DNAJC13: variants seen among roughly 807,000 people sequenced by gnomAD.
DNAJC13 encodes dnaJ homolog subfamily C member 13.
A neutral mutation model predicts 290.5 loss-of-function variants in DNAJC13; 75 were observed. That is an observed-to-expected ratio of 0.26 (90% CI 0.21 to 0.31). The LOEUF (loss-of-function observed/expected upper bound fraction) is 0.31. Among genes scored for constraint, DNAJC13 ranks in the 10% least tolerant of loss-of-function variants. The pLI, the probability that DNAJC13 is intolerant of heterozygous loss-of-function variation, is 1.00. For synonymous variants in DNAJC13, 862 were observed against 892.0 expected, an observed-to-expected ratio of 0.97 and a Z score of 0.60; for missense variants, 2,260 against 2,674.5, an observed-to-expected ratio of 0.85 and a Z score of 3.42.
intron 2 of DNAJC13, among the ~76,000 whole-genome samples, chr3:132,441,510 G>A (rs765358862): frequency 7.9e-5 from 12 of 152,170 alleles, no homozygotes; most frequent in Non-Finnish European, 1.6e-4. Context: ...GCCTGTTGGC[G>A]TAGATTCTCC....
At chr3:132,473,005 TTTTA>T (rs1663995624) in intron 20 of DNAJC13, 136 bp from the exon 21 acceptor site, 1 of 636,228 alleles carries the variant, frequency 1.6e-6, no homozygotes, top group Non-Finnish European at 2.8e-6. Context: ...GTTTTATAGA[TTTTA>T]TTTATTCCGT....
rs747114548 is a variant in DNAJC13 at position 132,538,420 on chromosome 3, T to C, written c.*138T>C. ...ATTCCTTTTTCTATAAATATATTTT[T>C]AGGAAAAAAAGTCAGTGATCCTAAT... On this transcript the variant is annotated 3_prime_UTR_variant, in exon 56 of 56. Coordinates refer to ENST00000260818, the MANE Select transcript of DNAJC13 (RefSeq NM_015268.4). 37 of 651,326 alleles carry C rather than the reference T, an allele frequency of 5.7e-5. No homozygotes were observed. The highest frequency in any genetic ancestry group is 8.5e-5 in the Non-Finnish European group (34 of 401,406). The allele number at this position is 651,326 out of a possible 1,614,324, so 40.3% of individuals were successfully genotyped here. A position where few individuals can be genotyped will look rare whatever the true frequency, so the allele number is the denominator to read the frequency against.
intron 50 of DNAJC13, 43 bp from the exon 51 acceptor site, chr3:132,523,497 A>C (rs752515456): frequency 6.3e-7 from 1 of 1,587,612 alleles, no homozygotes. Flanking sequence ...TCTAGCTTCA[A>C]GATTATTAAG....
intron 20 of DNAJC13, among the ~76,000 whole-genome samples, chr3:132,468,282 A>C (rs559776416): frequency 5.9e-5 from 9 of 152,118 alleles, no homozygotes; most frequent in Admixed American, 2.6e-4. Context: ...GTTTCTCCTT[A>C]ATCTTCTCCT....
chr3:132,464,055 C>T (rs1559880364), intron 17 of DNAJC13, among the ~76,000 whole-genome samples: 2 of 152,250 alleles, frequency 1.3e-5, no homozygotes, highest in South Asian at 2.1e-4. Flanking sequence ...CAGGCCCTGA[C>T]ACCATAGTCA....
At chr3:132,527,165 G>T (rs1389985002) in intron 53 of DNAJC13, among the ~76,000 whole-genome samples, 2 of 152,116 alleles carry the variant, frequency 1.3e-5, no homozygotes, top group African/African-American at 4.8e-5. Context: ...TGCATTGTAT[G>T]CATGTGTCAT....
Position 132,503,345 on chromosome 3 carries a change from T to C in DNAJC13, c.4848T>C (p.Tyr1616=), listed in dbSNP as rs1935482333. ...RKSLAGMLTP[Y]VARKLAVASV... is the part of the protein sequence containing the mutation. ...GCTTAGCTGGCATGCTGACACCCTA[T>C]GTTGCTAGAAAACTTGCTGTGGCTA... The change falls in exon 41 of 56, where the codon TAT becomes TAC. Residue 1616 remains tyrosine, a synonymous_variant. Transcript: ENST00000260818. 1.2e-6 allele frequency: 2 copies of C among 1,614,150 alleles called. No individual in the cohort carries two copies. The highest frequency in any genetic ancestry group is 8.5e-7 in the Non-Finnish European group (1 of 1,179,994).
intron 53 of DNAJC13, 150 bp from the exon 54 acceptor site, chr3:132,528,037 TAA>T (rs1936311517): frequency 5.4e-6 from 4 of 736,848 alleles, no homozygotes; most frequent in African/African-American, 1.8e-5. Context: ...TCTCATTAAA[TAA>T]AAATGTCATT....
intron 14 of DNAJC13, 53 bp from the exon 15 acceptor site, chr3:132,460,997 A>G (rs1204214174): frequency 6.5e-7 from 1 of 1,528,592 alleles, no homozygotes; most frequent in African/African-American, 1.4e-5. Context: ...TTAAAATTTA[A>G]CTGAAGGTCC....
At chr3:132,486,974 T>A (rs569579337) in intron 29 of DNAJC13, among the ~76,000 whole-genome samples, 1 of 152,252 alleles carries the variant, frequency 6.6e-6, no homozygotes, top group African/African-American at 2.4e-5. Context: ...GTGTGCGTGC[T>A]TGTGTGGGTG....
intron 1 of DNAJC13, among the ~76,000 whole-genome samples, chr3:132,433,254 CAG>C (rs1368788657): frequency 1.6e-4 from 25 of 152,124 alleles, no homozygotes; most frequent in African/African-American, 5.6e-4. Context: ...TTTTTAGAAA[CAG>C]AATCTCACTC....
chr3:132,435,031 C>CT lies in DNAJC13; in HGVS notation c.68+420dup, dbSNP rs562856654. Among the ~76,000 whole-genome samples the CT allele has an allele frequency of 7.0e-4, 107 of 152,160 alleles. 2 individuals carry two copies. The South Asian group carries it at 0.021, about 30-fold the overall frequency. On this transcript the variant is annotated intron_variant, in intron 2 of 55. Transcript: ENST00000260818. ...ATATGCCATTCTAGTGAAGTCTAAC[C>CT]TTTTTTTAGGCCTGTAATGAAATTT...
intron 45 of DNAJC13, among the ~76,000 whole-genome samples, 172 bp downstream of exon 45, chr3:132,513,271 A>T (rs1401628271): frequency 6.6e-6 from 1 of 152,176 alleles, no homozygotes; most frequent in Non-Finnish European, 1.5e-5. Flanking sequence ...CAATTTGAAG[A>T]GTGAATATTG....
intron 54 of DNAJC13, among the ~76,000 whole-genome samples, chr3:132,529,470 T>C (rs1036374697): frequency 3.3e-5 from 5 of 152,214 alleles, no homozygotes; most frequent in Admixed American, 3.3e-4. Flanking sequence ...TGTCATTCTA[T>C]CAATATGATC....
chr3:132,472,642 T>C, intron 20 of DNAJC13: 1 of 954,206 alleles, frequency 1.0e-6, no homozygotes, highest in Non-Finnish European at 1.2e-6. Flanking sequence ...TCTTTGATAT[T>C]CTCTGTTTAA....
intron 16 of DNAJC13, 77 bp from the exon 17 acceptor site, chr3:132,463,619 G>T: frequency 1.4e-6 from 2 of 1,466,824 alleles, no homozygotes; most frequent in Non-Finnish European, 1.8e-6. Context: ...ATTTAAATAT[G>T]TAAAATTAGT....
chr3:132,537,093 A>G (rs563330038), intron 55 of DNAJC13: 229 of 455,918 alleles, frequency 5.0e-4, no homozygotes, highest in Middle Eastern at 2.6e-3. Context: ...CCTTCATCAA[A>G]CTACTCTGCT....
intron 54 of DNAJC13, among the ~76,000 whole-genome samples, chr3:132,529,681 G>A (rs1373933821): frequency 1.3e-5 from 2 of 151,920 alleles, no homozygotes; most frequent in Non-Finnish European, 2.9e-5. Context: ...CATCTACTCG[G>A]GAGGCTGAGG....
intron 19 of DNAJC13, among the ~76,000 whole-genome samples, 198 bp from the exon 20 acceptor site, chr3:132,466,972 G>T (rs559580330): frequency 6.6e-6 from 1 of 152,230 alleles, no homozygotes; most frequent in Admixed American, 6.5e-5. Context: ...CCTCATAAAA[G>T]AATCATCTTG....
Sources: allele counts gnomAD v4.1 joint callset (sites outside exome capture counted in the v4.1 genomes callset), GRCh38; gene constraint gnomAD v4.1.1; transcripts MANE v1.5; gene names NCBI Gene and HGNC (gene_info 2026-07-23, HGNC 2026-07-21).